The following DCDC1 variants were observed in gnomAD, a reference collection of about 807,000 sequenced individuals.
DCDC1 encodes doublecortin domain-containing protein 1.
A neutral mutation model predicts 178.3 loss-of-function variants in DCDC1; 200 were observed. The observed-to-expected ratio is 1.12, with a 90% CI of 1.00 to 1.26. DCDC1 has a LOEUF of 1.26. Ranked by LOEUF, DCDC1 falls within the 50% of genes most tolerant of loss-of-function variation. The probability of loss-of-function intolerance (pLI) is 0.00; values close to 1 mark genes in which losing one functional copy is unlikely to be tolerated. For synonymous variants in DCDC1, 690 were observed against 604.8 expected, an observed-to-expected ratio of 1.14 and a Z score of -2.07; for missense variants, 1,983 against 1,749.2, an observed-to-expected ratio of 1.13 and a Z score of -2.38.
At chr11:31,067,592 A>C (rs1956319538) in intron 18 of DCDC1, among the ~76,000 whole-genome samples, 1 of 152,164 alleles carries the variant, frequency 6.6e-6, no homozygotes, top group Non-Finnish European at 1.5e-5. Context: ...TTCCATACCA[A>C]TATTCATAGC....
intron 27 of DCDC1, among the ~76,000 whole-genome samples, chr11:30,913,022 G>C (rs1384881050): frequency 3.3e-5 from 5 of 152,128 alleles, no homozygotes; most frequent in Non-Finnish European, 7.3e-5. Flanking sequence ...TATGTCAAGG[G>C]AAGATGTGCA....
chr11:31,206,411 T>G (rs1292620960), intron 9 of DCDC1, among the ~76,000 whole-genome samples: 3 of 151,844 alleles, frequency 2.0e-5, no homozygotes, highest in East Asian at 3.9e-4. Flanking sequence ...ATTTCTGTGT[T>G]TGTTTGTTTG....
At chr11:31,309,071 A>C (rs1434606483) in intron 3 of DCDC1, among the ~76,000 whole-genome samples, 1 of 152,030 alleles carries the variant, frequency 6.6e-6, no homozygotes, top group Non-Finnish European at 1.5e-5. Context: ...ATGGTCACAA[A>C]CGAGTAAAAT....
At chr11:31,298,925 A>G (rs1190484846) in intron 6 of DCDC1, among the ~76,000 whole-genome samples, 1 of 152,238 alleles carries the variant, frequency 6.6e-6, no homozygotes, top group Non-Finnish European at 1.5e-5. Flanking sequence ...AAATTTGAAA[A>G]CACAACACTC....
intron 20 of DCDC1, among the ~76,000 whole-genome samples, chr11:31,009,925 G>A (rs1293110580): frequency 6.6e-6 from 1 of 152,094 alleles, no homozygotes; most frequent in Non-Finnish European, 1.5e-5. Context: ...CAAGCAAAGG[G>A]GGGAAAGCCC....
At chr11:31,215,362 A>G (rs1027122226) in intron 9 of DCDC1, 1 of 152,562 alleles carries the variant, frequency 6.6e-6, no homozygotes, top group Non-Finnish European at 1.5e-5. Context: ...TGACATGTGT[A>G]TGTGTAGATA....
At chr11:30,905,317 G>A (rs971206052) in intron 30 of DCDC1, among the ~76,000 whole-genome samples, 153 bp from the exon 31 acceptor site, 4 of 152,080 alleles carry the variant, frequency 2.6e-5, no homozygotes, top group Admixed American at 6.6e-5. Flanking sequence ...TACTAGAGCC[G>A]GAAGGATGTT....
At chr11:30,927,358 C>A (rs542712096) in intron 22 of DCDC1, among the ~76,000 whole-genome samples, 7 of 150,148 alleles carry the variant, frequency 4.7e-5, no homozygotes, top group Non-Finnish European at 1.0e-4. Context: ...TGAGAGCAAG[C>A]AATGCCTTGT....
intron 20 of DCDC1, among the ~76,000 whole-genome samples, chr11:31,027,533 A>G (rs1051301336): frequency 1.3e-4 from 20 of 151,898 alleles, no homozygotes; most frequent in African/African-American, 4.1e-4. Context: ...TTGGAAAGAA[A>G]GCAGATAATT....
At chr11:31,172,662 A>G (rs1967395245) in intron 9 of DCDC1, among the ~76,000 whole-genome samples, 1 of 152,196 alleles carries the variant, frequency 6.6e-6, no homozygotes, top group African/African-American at 2.4e-5. Context: ...CTGTATTCTT[A>G]CAATAACATA....
Position 30,904,833 on chromosome 11 carries a change from C to T in DCDC1, c.4308+128G>A. ...TTTAAGTAAACAGAGATCTTCATCTCATCAGCTTTAACTGGTGAATCTGGC... is the reference window on the plus strand; with the variant it reads ...TTTAAGTAAACAGAGATCTTCATCTTATCAGCTTTAACTGGTGAATCTGGC... On this transcript the variant is annotated intron_variant, in intron 31 of 38. Coordinates refer to ENST00000684477, the MANE Select transcript of DCDC1 (RefSeq NM_001387274.1). 2.9e-6 allele frequency: 3 copies of T among 1,030,102 alleles called. No individual in the cohort carries two copies. The African/African-American group carries it at 4.8e-5, about 16-fold the overall frequency. The allele number at this position is 1,030,102 out of a possible 1,614,324, so 63.8% of individuals were successfully genotyped here.
rs767167622 is a variant in DCDC1 at position 31,091,518 on chromosome 11, A to C, written c.2119-7T>G. ...GGCTCAGGATCATTCCAGTCTTCCA[A>C]TGAATAGAGAGGGGGAGAAAGGTCT... On this transcript the variant is annotated splice_polypyrimidine_tract_variant and splice_region_variant and intron_variant, in intron 16 of 38. Transcript: ENST00000684477. 1 of 740,594 alleles carries C rather than the reference A, an allele frequency of 1.4e-6. No individual in the cohort carries two copies. The highest frequency in any genetic ancestry group is 1.7e-5 in the African/African-American group (1 of 58,640). 45.9% of individuals were successfully genotyped at this position (740,594 alleles called of 1,614,324 possible).
At chr11:31,366,025 C>T (rs1262182642) in intron 1 of DCDC1, among the ~76,000 whole-genome samples, 1 of 152,068 alleles carries the variant, frequency 6.6e-6, no homozygotes, top group African/African-American at 2.4e-5. Context: ...AATAGCTAAC[C>T]TTTACTGAAT....
chr11:31,324,785 C>A (rs1392756029), intron 3 of DCDC1, among the ~76,000 whole-genome samples: 1 of 151,878 alleles, frequency 6.6e-6, no homozygotes, highest in African/African-American at 2.4e-5. Flanking sequence ...AGATTCATTC[C>A]AAGTAAAAAG....
intron 20 of DCDC1, among the ~76,000 whole-genome samples, chr11:31,061,552 C>T (rs1955919791): frequency 6.6e-6 from 1 of 151,606 alleles, no homozygotes; most frequent in Admixed American, 6.6e-5. Flanking sequence ...TAAATCCCTG[C>T]CTTAAGAAAA....
At chr11:30,971,766 C>T (rs755059032) in intron 20 of DCDC1, among the ~76,000 whole-genome samples, 7 of 151,976 alleles carry the variant, frequency 4.6e-5, no homozygotes, top group South Asian at 4.2e-4. Flanking sequence ...CCCGCCACCA[C>T]GCCCAGCTAA....
intron 1 of DCDC1, among the ~76,000 whole-genome samples, chr11:31,358,411 T>A (rs1283206637): frequency 6.6e-6 from 1 of 151,960 alleles, no homozygotes; most frequent in Non-Finnish European, 1.5e-5. Flanking sequence ...CTGGACCCCT[T>A]CCTTACACCT....
chr11:31,058,576 G>T (rs1170370165), intron 20 of DCDC1, among the ~76,000 whole-genome samples: 1 of 152,092 alleles, frequency 6.6e-6, no homozygotes, highest in Non-Finnish European at 1.5e-5. Flanking sequence ...AGCAGAGGAA[G>T]GGAGGGAAAT....
intron 21 of DCDC1, among the ~76,000 whole-genome samples, chr11:30,936,672 A>T (rs373404634): frequency 6.6e-6 from 1 of 152,268 alleles, no homozygotes; most frequent in African/African-American, 2.4e-5. Flanking sequence ...CTCCAGTAGA[A>T]ACACTGGGCC....
Sources: allele counts gnomAD v4.1 joint callset (sites outside exome capture counted in the v4.1 genomes callset), GRCh38; gene constraint gnomAD v4.1.1; transcripts MANE v1.5; gene names NCBI Gene and HGNC (gene_info 2026-07-23, HGNC 2026-07-21).